CABCOCO1: variants seen among roughly 807,000 people sequenced by gnomAD.
CABCOCO1 encodes ciliary associated calcium binding coiled-coil 1.
CABCOCO1 carries 28 observed loss-of-function variants against 35.7 expected under a neutral mutation model. That is an observed-to-expected ratio of 0.78 (90% CI 0.58 to 1.07). The LOEUF is 1.07. Among genes scored for constraint, CABCOCO1 ranks in the 50% least tolerant of loss-of-function variants. The pLI, the probability that CABCOCO1 is intolerant of heterozygous loss-of-function variation, is 0.00. For synonymous variants in CABCOCO1, 95 were observed against 100.1 expected (o/e 0.95, Z 0.30); for missense variants, 326 against 309.2 (o/e 1.05, Z -0.41).
intron 5 of CABCOCO1, among the ~76,000 whole-genome samples, chr10:61,710,006 G>A (rs1840689884): frequency 6.6e-6 from 1 of 151,882 alleles, no homozygotes; most frequent in Non-Finnish European, 1.5e-5. Flanking sequence ...TACATAATTT[G>A]TAAATTTAAA....
chr10:61,739,875 G>A (rs1841510640), intron 5 of CABCOCO1, among the ~76,000 whole-genome samples: 1 of 152,230 alleles, frequency 6.6e-6, no homozygotes, highest in East Asian at 1.9e-4. Flanking sequence ...CCAGAAGGCG[G>A]AGGCTGCAGT....
intron 1 of CABCOCO1, among the ~76,000 whole-genome samples, chr10:61,664,199 T>C (rs1319084766): frequency 6.6e-6 from 1 of 152,224 alleles, no homozygotes; most frequent in Non-Finnish European, 1.5e-5. Flanking sequence ...GTACTAAGCC[T>C]ATTATTCCCT....
At chr10:61,739,569 AG>A (rs1841498523) in intron 5 of CABCOCO1, among the ~76,000 whole-genome samples, 1 of 42,978 alleles carries the variant, frequency 2.3e-5, no homozygotes, top group African/African-American at 5.5e-5. Flanking sequence ...GATTAGGGAC[AG>A]AGAGATTAAT....
chr10:61,673,269 T>C (rs568872737), intron 2 of CABCOCO1, among the ~76,000 whole-genome samples: 8 of 152,238 alleles, frequency 5.3e-5, no homozygotes, highest in Non-Finnish European at 1.2e-4. Flanking sequence ...CCAATATATG[T>C]ACATCTCACT....
chr10:61,736,450 T>C (rs1355351152), intron 5 of CABCOCO1, among the ~76,000 whole-genome samples: 1 of 152,166 alleles, frequency 6.6e-6, no homozygotes, highest in African/African-American at 2.4e-5. Flanking sequence ...CAGATGGTCA[T>C]AGATGTGCAG....
At chr10:61,663,323 C>T (rs999647429) in intron 1 of CABCOCO1, among the ~76,000 whole-genome samples, 10 of 151,978 alleles carry the variant, frequency 6.6e-5, no homozygotes, top group African/African-American at 1.9e-4. Context: ...TGCCCAAACG[C>T]CCTCATAACC....
At chr10:61,683,806 AATT>A (rs1350680193) in intron 3 of CABCOCO1, among the ~76,000 whole-genome samples, 1 of 152,184 alleles carries the variant, frequency 6.6e-6, no homozygotes, top group Non-Finnish European at 1.5e-5. Flanking sequence ...AGATAAATGA[AATT>A]ATTACTTCCC....
At chr10:61,680,652 T>TTATTTTATACATGTATAACATATA in intron 2 of CABCOCO1, among the ~76,000 whole-genome samples, 1 of 38,070 alleles carries the variant, frequency 2.6e-5, no homozygotes, top group Non-Finnish European at 6.5e-5. Flanking sequence ...ATAATATATA[T>TTATTTTATACATGTATAACATATA]TATGTTATAC....
At chr10:61,763,773 A>C (rs2132098335) in intron 7 of CABCOCO1, among the ~76,000 whole-genome samples, 1 of 151,764 alleles carries the variant, frequency 6.6e-6, no homozygotes, top group African/African-American at 2.4e-5. Context: ...GAGACTACTG[A>C]ACATATTTTT....
intron 5 of CABCOCO1, among the ~76,000 whole-genome samples, chr10:61,752,835 C>T (rs1426299352): frequency 1.3e-5 from 2 of 152,112 alleles, no homozygotes; most frequent in Non-Finnish European, 2.9e-5. Context: ...GAAGCTTAGC[C>T]CCCACTTTCA....
chr10:61,699,621 C>T (rs1205806181), intron 5 of CABCOCO1, among the ~76,000 whole-genome samples: 1 of 152,028 alleles, frequency 6.6e-6, no homozygotes, highest in African/African-American at 2.4e-5. Flanking sequence ...ACTATCCCCT[C>T]ATAGCTTCGT....
intron 5 of CABCOCO1, among the ~76,000 whole-genome samples, chr10:61,737,802 T>C (rs1024398509): frequency 6.6e-6 from 1 of 152,034 alleles, no homozygotes; most frequent in South Asian, 2.1e-4. Context: ...TGGGGTCTAC[T>C]TGAAGCAGGA....
At chr10:61,715,111 G>T (rs1158049659) in intron 5 of CABCOCO1, among the ~76,000 whole-genome samples, 1 of 152,110 alleles carries the variant, frequency 6.6e-6, no homozygotes, top group African/African-American at 2.4e-5. Flanking sequence ...TGACAGTGGG[G>T]TGTTAAAGTG....
chr10:61,671,616 C>T (rs1839363056), intron 1 of CABCOCO1, among the ~76,000 whole-genome samples: 1 of 152,102 alleles, frequency 6.6e-6, no homozygotes, highest in South Asian at 2.1e-4. Context: ...CTCTTTTAGG[C>T]CCCCATAACA....
intron 5 of CABCOCO1, among the ~76,000 whole-genome samples, chr10:61,731,369 T>A (rs548739064): frequency 1.3e-5 from 2 of 152,118 alleles, no homozygotes; most frequent in East Asian, 3.9e-4. Flanking sequence ...TGGCTCTTGT[T>A]TTCGTTGGGT....
At chr10:61,683,702 T>C (rs956049252) in intron 3 of CABCOCO1, among the ~76,000 whole-genome samples, 1 of 152,232 alleles carries the variant, frequency 6.6e-6, no homozygotes, top group African/African-American at 2.4e-5. Flanking sequence ...GAATACATTT[T>C]ATTTCTAGAA....
At chr10:61,736,109 T>C (rs1394749444) in intron 5 of CABCOCO1, among the ~76,000 whole-genome samples, 1 of 152,188 alleles carries the variant, frequency 6.6e-6, no homozygotes, top group Non-Finnish European at 1.5e-5. Flanking sequence ...TTCTGTAGAT[T>C]GTATGTTTAC....
At chr10:61,765,774 G>C (rs946994433) in intron 7 of CABCOCO1, among the ~76,000 whole-genome samples, 165 bp from the exon 8 acceptor site, 2 of 152,224 alleles carry the variant, frequency 1.3e-5, no homozygotes, top group Non-Finnish European at 2.9e-5. Context: ...ATGATAAAGT[G>C]TTATCACATC....
intron 5 of CABCOCO1, among the ~76,000 whole-genome samples, chr10:61,743,982 C>T (rs1841603799): frequency 6.6e-6 from 1 of 152,126 alleles, no homozygotes; most frequent in South Asian, 2.1e-4. Flanking sequence ...CCCCCACCAC[C>T]CACACAATAG....
Sources: allele counts gnomAD v4.1 joint callset (sites outside exome capture counted in the v4.1 genomes callset), GRCh38; gene constraint gnomAD v4.1.1; transcripts MANE v1.5; gene names NCBI Gene and HGNC (gene_info 2026-07-23, HGNC 2026-07-21).